PRSS3: variants seen among roughly 807,000 people sequenced by gnomAD.
PRSS3 encodes trypsin-3.
Under a neutral mutation model 20.8 loss-of-function variants are expected in PRSS3, and 14 were observed. The ratio of observed to expected loss-of-function variants is 0.67; its 90% CI spans 0.44 to 1.05. PRSS3 has a LOEUF of 1.05. PRSS3 is among the 50% of genes least tolerant of loss of function. The pLI is 0.00. For synonymous variants in PRSS3, 91 were observed against 117.6 expected (o/e 0.77, Z 1.46); for missense variants, 237 against 306.4 (o/e 0.77, Z 1.69).
At chr9:33,798,823 T>A in intron 4 of PRSS3, 1 of 1,059,934 alleles carries the variant, frequency 9.4e-7, no homozygotes, top group Non-Finnish European at 1.4e-6. Flanking sequence ...CTGAGGAGGC[T>A]CCCTGCAGTG....
At chr9:33,775,419 G>A (rs1823877998) in intron 1 of PRSS3, among the ~76,000 whole-genome samples, 1 of 152,204 alleles carries the variant, frequency 6.6e-6, no homozygotes, top group Non-Finnish European at 1.5e-5. Context: ...AAATGAGCAG[G>A]ACAAATCCAC....
In PRSS3 at chr9:33,750,985, G is replaced by C; in HGVS notation, c.-53+258G>C. 1.3e-6 allele frequency: 1 copy of C among 798,162 alleles called. No individual in the cohort carries two copies. The highest frequency in any genetic ancestry group is 3.8e-5 in the South Asian group (1 of 26,402). 49.4% of individuals were successfully genotyped at this position (798,162 alleles called of 1,614,324 possible). A position where few individuals can be genotyped will look rare whatever the true frequency, so the allele number is the denominator to read the frequency against. On this transcript the variant is annotated intron_variant, in intron 1 of 5. Coordinates refer to the PRSS3 transcript ENST00000342836. The surrounding 1 kb of genome is among the most constrained non-coding windows in gnomAD (Gnocchi z 4.8). ...CCACCTGGGGCCCCCTCCGGGCTGC[G>C]GCACCGATGCGCACACTACTCCCAC...
intron 1 of PRSS3, among the ~76,000 whole-genome samples, chr9:33,755,109 A>C (rs1358370574): frequency 6.6e-6 from 1 of 152,200 alleles, no homozygotes; most frequent in Non-Finnish European, 1.5e-5. Flanking sequence ...ATAAATCTCC[A>C]TTCCGGACGG....
upstream of PRSS3, among the ~76,000 whole-genome samples, chr9:33,790,654 C>T (rs1184029580): frequency 1.3e-5 from 2 of 152,194 alleles, no homozygotes; most frequent in Non-Finnish European, 2.9e-5. Context: ...ATATACTCAT[C>T]ATTTACTGAA....
At position 33,796,728 on chromosome 9, in the gene PRSS3, T is replaced by C. The variant is rs1783422381; in HGVS notation, c.126T>C (p.Asn42=). ...CTCTCCCCTACCAGGTGTCCCTGAA[T>C]TCTGGCTCCCACTTCTGCGGTGGCT... ...ENSLPYQVSL[N]SGSHFCGGSL... is the part of the protein sequence containing the mutation. The change falls in exon 2 of 5, where the codon AAT becomes AAC. Residue 42 remains asparagine, a synonymous_variant. Coordinates refer to ENST00000379405, the MANE Select transcript of PRSS3 (RefSeq NM_002771.4). The C allele has an allele frequency of 1.2e-6, 2 of 1,613,908 alleles. No homozygotes were observed. The highest frequency in any genetic ancestry group is 2.7e-5 in the African/African-American group (2 of 74,942).
intron 1 of PRSS3, among the ~76,000 whole-genome samples, chr9:33,775,451 C>T (rs1451872385): frequency 1.3e-5 from 2 of 151,676 alleles, no homozygotes; most frequent in Admixed American, 6.6e-5. Flanking sequence ...CTTGAGGTTG[C>T]AGCCCCACTT....
chr9:33,771,643 T>G lies in PRSS3; in HGVS notation c.-53+20916T>G, dbSNP rs1302212251. Among the ~76,000 whole-genome samples, 53 of 122,434 alleles carry G rather than the reference T, an allele frequency of 4.3e-4. 1 individual carries two copies. Among genetic ancestry groups the G allele is most frequent in the African/African-American group, 1.5e-3 (49 of 33,444 alleles). The allele number at this position is 122,434 out of a possible 152,430, so 80.3% of individuals were successfully genotyped here. A position where few individuals can be genotyped will look rare whatever the true frequency, so the allele number is the denominator to read the frequency against. On this transcript the variant is annotated intron_variant, in intron 1 of 5. Coordinates refer to the PRSS3 transcript ENST00000342836. ...CACTGGGTTTTGTTTTTTTGTTTTTTTGTTTTTTTTTTTTTTGAGACAGGG... is the reference window on the plus strand; with the variant it reads ...CACTGGGTTTTGTTTTTTTGTTTTTGTGTTTTTTTTTTTTTTGAGACAGGG...
chr9:33,775,887 A>G (rs1823900233), intron 1 of PRSS3, among the ~76,000 whole-genome samples: 1 of 151,980 alleles, frequency 6.6e-6, no homozygotes, highest in African/African-American at 2.4e-5. Flanking sequence ...TATTTTTACT[A>G]GAGACAGGGT....
rs1563970239 is a variant in PRSS3 at position 33,797,917 on chromosome 9, C to T, written c.289C>T (p.Pro97Ser). The change falls in exon 3 of 5, where the codon CCT becomes TCT. Residue 97 changes from proline to serine, a missense_variant. Coordinates refer to ENST00000379405, the MANE Select transcript of PRSS3 (RefSeq NM_002771.4). ...FINAAKIIRH[P>S]KYNRDTLDND... ...CAATGCGGCCAAGATCATCCGCCAC[C>T]CTAAATACAACAGGGACACTCTGGA... 8 of 1,614,250 alleles carry T rather than the reference C, an allele frequency of 5.0e-6. No individual in the cohort carries two copies. The East Asian group carries it at 1.8e-4, about 36-fold the overall frequency.
chr9:33,778,078 T>A (rs1824021233), intron 1 of PRSS3, among the ~76,000 whole-genome samples: 1 of 152,110 alleles, frequency 6.6e-6, no homozygotes, highest in African/African-American at 2.4e-5. Flanking sequence ...CTCATCTTAT[T>A]AACACATTTT....
At chr9:33,756,994 C>T (rs1249027347) in intron 1 of PRSS3, among the ~76,000 whole-genome samples, 3 of 152,216 alleles carry the variant, frequency 2.0e-5, no homozygotes, top group Admixed American at 1.3e-4. Context: ...TTCTTGATGG[C>T]TTATCGCCTG....
intron 1 of PRSS3, among the ~76,000 whole-genome samples, chr9:33,766,089 ACC>A (rs1463703888): frequency 1.3e-5 from 2 of 151,636 alleles, no homozygotes; most frequent in African/African-American, 4.8e-5. Flanking sequence ...ATATGGTGAA[ACC>A]CCATCTCTAC....
chr9:33,758,485 C>A (rs118102188), intron 1 of PRSS3, among the ~76,000 whole-genome samples: 5,731 of 152,290 alleles, frequency 0.038, 151 homozygotes, highest in Non-Finnish European at 0.054. Flanking sequence ...TCCCAGGGAC[C>A]TGGAGACTTG....
At chr9:33,754,081 T>C (rs1822822002) in intron 1 of PRSS3, among the ~76,000 whole-genome samples, 1 of 152,098 alleles carries the variant, frequency 6.6e-6, no homozygotes, top group South Asian at 2.1e-4. Context: ...TTTCTCTCTC[T>C]GTCTCTCTCT....
upstream of PRSS3, chr9:33,794,622 T>C (rs1824810601): frequency 8.3e-7 from 1 of 1,201,078 alleles, no homozygotes; most frequent in African/African-American, 1.5e-5. Flanking sequence ...CTGCTGATTC[T>C]CAGATCAGAT....
At chr9:33,751,699 A>G (rs1822705259) in intron 1 of PRSS3, among the ~76,000 whole-genome samples, 1 of 152,064 alleles carries the variant, frequency 6.6e-6, no homozygotes, top group South Asian at 2.1e-4. Context: ...TTTACCTGCA[A>G]TTTTACACTG....
At chr9:33,768,781 G>C (rs1393090499) in intron 1 of PRSS3, among the ~76,000 whole-genome samples, 1 of 151,904 alleles carries the variant, frequency 6.6e-6, no homozygotes, top group South Asian at 2.1e-4. Context: ...GCTTGAGCCC[G>C]GGGGGCAGAG....
chr9:33,777,715 A>G (rs1051005903), intron 1 of PRSS3, among the ~76,000 whole-genome samples: 2 of 151,406 alleles, frequency 1.3e-5, no homozygotes, highest in Non-Finnish European at 2.9e-5. Context: ...CTCAAAAAAA[A>G]AAAAAAAAAG....
chr9:33,798,197 C>T (rs1007381664), intron 3 of PRSS3, 115 bp downstream of exon 3: 21 of 1,554,362 alleles, frequency 1.4e-5, no homozygotes, highest in Non-Finnish European at 1.8e-5. Flanking sequence ...TTCTAGTGCC[C>T]ATTACACACA....
Sources: allele counts gnomAD v4.1 joint callset (sites outside exome capture counted in the v4.1 genomes callset), GRCh38; gene constraint gnomAD v4.1.1; non-coding constraint Gnocchi (gnomAD v3.1); transcripts MANE v1.5; gene names NCBI Gene and HGNC (gene_info 2026-07-23, HGNC 2026-07-21).